CARMIL1: variants seen among roughly 807,000 people sequenced by gnomAD.
CARMIL1 encodes F-actin-uncapping protein LRRC16A.
A neutral mutation model predicts 177.1 loss-of-function variants in CARMIL1; 90 were observed. The ratio of observed to expected loss-of-function variants is 0.51; its 90% CI spans 0.43 to 0.61. The LOEUF is 0.61. Ranked by LOEUF, CARMIL1 falls within the 20% of genes least tolerant of loss-of-function variation. The pLI, the probability that CARMIL1 is intolerant of heterozygous loss-of-function variation, is 0.00. For missense variants in CARMIL1, 1,380 were observed against 1,667.0 expected (o/e 0.83, Z 3.00); for synonymous variants, 577 against 606.2 (o/e 0.95, Z 0.71).
chr6:25,361,849 A>G (rs981377884), intron 2 of CARMIL1, among the ~76,000 whole-genome samples: 1 of 152,114 alleles, frequency 6.6e-6, no homozygotes, highest in African/African-American at 2.4e-5. Context: ...GCTCTCTACT[A>G]TGTTATGACA....
intron 2 of CARMIL1, chr6:25,287,357 T>C (rs1258257183): frequency 1.3e-5 from 2 of 152,240 alleles, no homozygotes; most frequent in Non-Finnish European, 2.9e-5. Context: ...ATACTATTTC[T>C]AGCTTATCTT....
chr6:25,352,002 C>G (rs1454231815), intron 2 of CARMIL1, among the ~76,000 whole-genome samples: 1 of 151,852 alleles, frequency 6.6e-6, no homozygotes, highest in East Asian at 1.9e-4. Context: ...TTTTTCTATT[C>G]ACTAGTTTCA....
In CARMIL1 at chr6:25,375,305, AG is replaced by A. The variant is rs201868586; in HGVS notation, c.139-44808del. ...CAGTTATTCTGTTTGAAGAGGCTAA[AG>A]ATAGGACTCCAATCCCTTCTGGCTT... On this transcript the variant is annotated intron_variant, in intron 2 of 36. Coordinates refer to ENST00000329474, the MANE Select transcript of CARMIL1 (RefSeq NM_017640.6). Among the ~76,000 whole-genome samples, 802 of 152,352 alleles carry A rather than the reference AG, an allele frequency of 5.3e-3. 8 individuals are homozygous for A. The highest frequency in any genetic ancestry group is 0.012 in the African/African-American group (510 of 41,578).
chr6:25,357,603 A>G (rs1788765115), intron 2 of CARMIL1, among the ~76,000 whole-genome samples: 1 of 152,194 alleles, frequency 6.6e-6, no homozygotes, highest in South Asian at 2.1e-4. Context: ...ACAAAAATAA[A>G]AAAACACATT....
chr6:25,311,602 C>T (rs560021094), intron 2 of CARMIL1, among the ~76,000 whole-genome samples: 5 of 152,086 alleles, frequency 3.3e-5, no homozygotes, highest in Non-Finnish European at 5.9e-5. Context: ...GTTCCCACCC[C>T]CACCCATCAG....
At chr6:25,530,732 G>C (rs1013800560) in intron 24 of CARMIL1, among the ~76,000 whole-genome samples, 31 of 152,126 alleles carry the variant, frequency 2.0e-4, no homozygotes, top group African/African-American at 7.2e-4. Context: ...AGAAAAGTAC[G>C]CAATATGAGG....
At chr6:25,383,244 C>T (rs903258657) in intron 2 of CARMIL1, among the ~76,000 whole-genome samples, 3 of 151,916 alleles carry the variant, frequency 2.0e-5, no homozygotes, top group East Asian at 1.9e-4. Context: ...AAGGTAGGCT[C>T]GGATGGTGGT....
intron 27 of CARMIL1, 104 bp from the exon 28 acceptor site, chr6:25,553,903 CAG>C: frequency 1.4e-6 from 1 of 717,900 alleles, no homozygotes; most frequent in East Asian, 2.7e-5. Context: ...CTTTCAAAGA[CAG>C]AAATGGAATC....
intron 2 of CARMIL1, among the ~76,000 whole-genome samples, chr6:25,398,061 T>C (rs1018492031): frequency 2.0e-5 from 3 of 152,170 alleles, no homozygotes; most frequent in African/African-American, 7.2e-5. Flanking sequence ...TTACATTTTC[T>C]AAAGAATTAG....
chr6:25,404,964 T>A (rs571723671), intron 2 of CARMIL1, among the ~76,000 whole-genome samples: 1 of 152,300 alleles, frequency 6.6e-6, no homozygotes, highest in East Asian at 1.9e-4. Flanking sequence ...TGTGCAGAGA[T>A]CCTGGGTTGC....
chr6:25,408,799 G>A (rs1288471837), intron 2 of CARMIL1, among the ~76,000 whole-genome samples: 2 of 149,772 alleles, frequency 1.3e-5, no homozygotes, highest in African/African-American at 4.9e-5. Flanking sequence ...GCAATGTAGT[G>A]AGACCCTGTC....
In CARMIL1 at chr6:25,279,391, C is replaced by T; in HGVS notation, c.-405C>T. 6.9e-6 allele frequency: 2 copies of T among 290,492 alleles called. No homozygotes were observed. The highest frequency in any genetic ancestry group is 3.4e-5 in the South Asian group (1 of 29,180). The allele number at this position is 290,492 out of a possible 1,614,324, so 18.0% of individuals were successfully genotyped here. A position where few individuals can be genotyped will look rare whatever the true frequency, so the allele number is the denominator to read the frequency against. ...CTCTCCCCGCCCTCTCCCACGCCTTCCGCTTTCACCTAGGGCTGTAGGTGC... is the reference window on the plus strand; with the variant it reads ...CTCTCCCCGCCCTCTCCCACGCCTTTCGCTTTCACCTAGGGCTGTAGGTGC... On this transcript the variant is annotated 5_prime_UTR_variant, in exon 1 of 37. Transcript: ENST00000329474.
intron 2 of CARMIL1, among the ~76,000 whole-genome samples, chr6:25,359,332 T>G (rs188204529): frequency 6.6e-6 from 1 of 152,338 alleles, no homozygotes; most frequent in East Asian, 1.9e-4. Context: ...GGCAGGCTGA[T>G]TTCTCAGATG....
intron 2 of CARMIL1, among the ~76,000 whole-genome samples, chr6:25,323,671 G>A (rs769774790): frequency 6.6e-5 from 10 of 152,092 alleles, no homozygotes; most frequent in Non-Finnish European, 1.5e-5. Context: ...TAGATGTATG[G>A]TTTCTATGGT....
chr6:25,506,388 C>A (rs4097270), intron 17 of CARMIL1, among the ~76,000 whole-genome samples: 49,659 of 151,944 alleles, frequency 0.33, 8,823 homozygotes, highest in African/African-American at 0.46. Context: ...TCTACTAAAA[C>A]TACAAAAATT....
At chr6:25,345,265 A>AT (rs1491151205) in intron 2 of CARMIL1, among the ~76,000 whole-genome samples, 2 of 152,000 alleles carry the variant, frequency 1.3e-5, no homozygotes, top group Admixed American at 6.6e-5. Context: ...CATGCACCTC[A>AT]TTTTTTTGGT....
intron 2 of CARMIL1, among the ~76,000 whole-genome samples, chr6:25,391,914 A>G (rs1792855555): frequency 6.6e-6 from 1 of 152,202 alleles, no homozygotes. Flanking sequence ...TGTCCCTGGC[A>G]TGCCACATTC....
At chr6:25,449,798 C>A (rs9295661) in intron 5 of CARMIL1, 100 bp from the exon 6 acceptor site, 591,668 of 626,608 alleles carry the variant, frequency 0.94, 279,645 homozygotes, top group East Asian at 1. Flanking sequence ...TTGAAGTGAC[C>A]CTCATCTTTG....
At chr6:25,518,117 A>G (rs1413506039) in intron 22 of CARMIL1, among the ~76,000 whole-genome samples, 2 of 152,168 alleles carry the variant, frequency 1.3e-5, no homozygotes, top group Non-Finnish European at 2.9e-5. Flanking sequence ...TAAGGGGCGG[A>G]TGGCATAGAA....
Sources: gnomAD v4.1 joint callset for allele counts (sites outside exome capture counted in the v4.1 genomes callset) on GRCh38, gnomAD v4.1.1 for gene constraint, MANE v1.5 for transcripts, NCBI Gene and HGNC (gene_info 2026-07-23, HGNC 2026-07-21) for gene names.